TMEM131: variants seen among roughly 807,000 people sequenced by gnomAD.
TMEM131 encodes 2610524E03Rik.
TMEM131 carries 66 observed loss-of-function variants against 211.6 expected under a neutral mutation model. The ratio of observed to expected loss-of-function variants is 0.31; its 90% CI spans 0.26 to 0.38. The LOEUF is 0.38. Ranked by LOEUF, TMEM131 falls within the 10% of genes least tolerant of loss-of-function variation. The pLI, the probability that TMEM131 is intolerant of heterozygous loss-of-function variation, is 1.00. For synonymous variants in TMEM131, 844 were observed against 841.3 expected, an observed-to-expected ratio of 1.00 and a Z score of -0.06; for missense variants, 2,036 against 2,299.3, an observed-to-expected ratio of 0.89 and a Z score of 2.34.
chr2:97,815,621 T>A (rs1180268473), intron 12 of TMEM131, among the ~76,000 whole-genome samples: 1 of 152,202 alleles, frequency 6.6e-6, no homozygotes, highest in Admixed American at 6.5e-5. Context: ...GAATTTCTCA[T>A]CCTTGGCACT....
intron 1 of TMEM131, among the ~76,000 whole-genome samples, chr2:97,945,915 T>C (rs1160524327): frequency 2.0e-5 from 3 of 152,162 alleles, no homozygotes; most frequent in Non-Finnish European, 4.4e-5. Flanking sequence ...TTGGAAATAC[T>C]GATTACAGAG....
chr2:97,935,217 A>C (rs1347761388), intron 1 of TMEM131, among the ~76,000 whole-genome samples: 1 of 152,234 alleles, frequency 6.6e-6, no homozygotes, highest in Non-Finnish European at 1.5e-5. Flanking sequence ...ATCATTAACC[A>C]TCAGGGAAAT....
At chr2:97,838,672 T>C (rs1314932493) in intron 7 of TMEM131, among the ~76,000 whole-genome samples, 1 of 152,100 alleles carries the variant, frequency 6.6e-6, no homozygotes, top group Non-Finnish European at 1.5e-5. Context: ...CTTGAACTCC[T>C]GACCTCGTCA....
Position 97,809,688 on chromosome 2 carries a change from T to G in TMEM131, c.2055A>C (p.Pro685=), listed in dbSNP as rs1479152879. The G allele has an allele frequency of 1.9e-6, 3 of 1,609,126 alleles. No individual in the cohort carries two copies. Residue 685 remains proline, a splice_region_variant and synonymous_variant, in exon 19 of 41, where the codon CCA becomes CCC. Transcript: ENST00000186436. The part of the protein sequence containing the change: ...PKHVVLPPSF[P]GKIVHQSLNI... ...AAAATGTGTGTATTAATGGTCTTAC[T>G]GGAAAGGAAGGTGGAAGAACCACGT...
intron 4 of TMEM131, among the ~76,000 whole-genome samples, chr2:97,872,819 G>A (rs1674544675): frequency 6.6e-6 from 1 of 152,202 alleles, no homozygotes; most frequent in South Asian, 2.1e-4. Context: ...GGCCGTTTGG[G>A]CAGTCACCGA....
intron 1 of TMEM131, among the ~76,000 whole-genome samples, chr2:97,989,962 C>A (rs1050973858): frequency 1.3e-5 from 2 of 152,206 alleles, no homozygotes; most frequent in Non-Finnish European, 2.9e-5. Context: ...TGGAAGTCTG[C>A]GAGAGATTTC....
At chr2:97,794,683 A>C (rs1353018809) in intron 29 of TMEM131, among the ~76,000 whole-genome samples, 2 of 152,344 alleles carry the variant, frequency 1.3e-5, no homozygotes, top group Non-Finnish European at 2.9e-5. Context: ...GCATTTTAAA[A>C]AGATGTTAAA....
intron 1 of TMEM131, among the ~76,000 whole-genome samples, chr2:97,931,894 C>T (rs1158161068): frequency 1.3e-5 from 2 of 152,180 alleles, no homozygotes; most frequent in East Asian, 1.9e-4. Context: ...CAGTGTGGCC[C>T]TCCTTGGCTT....
At chr2:97,920,682 A>G (rs1676703606) in intron 2 of TMEM131, among the ~76,000 whole-genome samples, 1 of 152,210 alleles carries the variant, frequency 6.6e-6, no homozygotes, top group Non-Finnish European at 1.5e-5. Flanking sequence ...AGATCAATAA[A>G]GGCCGGGCAT....
intron 5 of TMEM131, among the ~76,000 whole-genome samples, chr2:97,857,077 T>C (rs1305492938): frequency 6.6e-6 from 1 of 152,346 alleles, no homozygotes; most frequent in East Asian, 1.9e-4. Flanking sequence ...AAATAGTCCC[T>C]GGGAGAGTCT....
intron 22 of TMEM131, 22 bp from the exon 23 acceptor site, chr2:97,802,812 C>G (rs746205687): frequency 1.3e-6 from 2 of 1,518,710 alleles, no homozygotes; most frequent in Admixed American, 2.5e-5. Context: ...ATTTGTAAGT[C>G]ACTGTATCAA....
At chr2:97,840,625 G>A (rs1026225420) in intron 7 of TMEM131, among the ~76,000 whole-genome samples, 2 of 152,138 alleles carry the variant, frequency 1.3e-5, no homozygotes, top group African/African-American at 4.8e-5. Context: ...AAGAATTTCT[G>A]AAGTTTCTAC....
At chr2:97,826,287 G>A (rs1028786877) in intron 11 of TMEM131, among the ~76,000 whole-genome samples, 8 of 152,172 alleles carry the variant, frequency 5.3e-5, no homozygotes, top group African/African-American at 1.9e-4. Context: ...CTGAGAAAGG[G>A]AAAAAGAATA....
At chr2:97,789,446 T>C (rs1680398576) in intron 31 of TMEM131, among the ~76,000 whole-genome samples, 1 of 152,252 alleles carries the variant, frequency 6.6e-6, no homozygotes, top group African/African-American at 2.4e-5. Flanking sequence ...GCAGTAGTGA[T>C]ATCCTATGAT....
At chr2:97,883,049 C>T (rs758883516) in intron 4 of TMEM131, among the ~76,000 whole-genome samples, 1 of 152,048 alleles carries the variant, frequency 6.6e-6, no homozygotes, top group South Asian at 2.1e-4. Flanking sequence ...ACAGGTGACA[C>T]CTTCTAGCTG....
intron 11 of TMEM131, among the ~76,000 whole-genome samples, chr2:97,823,634 C>G (rs564181954): frequency 6.6e-5 from 10 of 152,134 alleles, no homozygotes; most frequent in Non-Finnish European, 1.5e-4. Context: ...GATCTAGACT[C>G]AAGATCATGG....
intron 12 of TMEM131, among the ~76,000 whole-genome samples, chr2:97,817,932 G>C (rs1319565078): frequency 1.3e-5 from 2 of 152,122 alleles, no homozygotes; most frequent in Non-Finnish European, 2.9e-5. Context: ...CTGTTCAGAG[G>C]TTCAATTCTC....
chr2:97,808,409 G>A (rs919999388), intron 19 of TMEM131, among the ~76,000 whole-genome samples: 21 of 152,160 alleles, frequency 1.4e-4, no homozygotes, highest in African/African-American at 5.1e-4. Flanking sequence ...TGAATGGACT[G>A]CACCATCTTC....
intron 3 of TMEM131, among the ~76,000 whole-genome samples, chr2:97,890,526 A>G (rs1487170565): frequency 2.6e-5 from 4 of 152,212 alleles, no homozygotes; most frequent in Non-Finnish European, 5.9e-5. Context: ...TTTCAAGAGC[A>G]TTGTTTTAGA....
Sources: gnomAD v4.1 joint callset for allele counts (sites outside exome capture counted in the v4.1 genomes callset) on GRCh38, gnomAD v4.1.1 for gene constraint, MANE v1.5 for transcripts, NCBI Gene and HGNC (gene_info 2026-07-23, HGNC 2026-07-21) for gene names.